Variants in EYS observed in about 807,000 individuals in gnomAD.
EYS encodes protein eyes shut homolog.
EYS carries 250 observed loss-of-function variants against 282.1 expected under a neutral mutation model. That is an observed-to-expected ratio of 0.89 (90% CI 0.80 to 0.98). EYS has a LOEUF of 0.98. Among genes scored for constraint, EYS ranks in the 50% least tolerant of loss-of-function variants. The pLI, the probability that EYS is intolerant of heterozygous loss-of-function variation, is 0.00. For synonymous variants in EYS, 1,355 were observed against 1,282.9 expected (o/e 1.06, Z -1.20); for missense variants, 4,016 against 3,709.0 (o/e 1.08, Z -2.15).
chr6:65,205,137 C>T (rs981615201), intron 12 of EYS, among the ~76,000 whole-genome samples: 7 of 147,860 alleles, frequency 4.7e-5, no homozygotes, highest in African/African-American at 9.9e-5. Context: ...CTCCAACTGT[C>T]GGCTGCCTAT....
chr6:64,626,312 T>C, intron 22 of EYS, 67 bp from the exon 23 acceptor site: 1 of 1,476,628 alleles, frequency 6.8e-7, no homozygotes. Flanking sequence ...CTTTTCATCT[T>C]GGGATTCCAT....
intron 15 of EYS, among the ~76,000 whole-genome samples, chr6:64,920,873 T>C (rs1768323832): frequency 6.6e-6 from 1 of 152,130 alleles, no homozygotes; most frequent in African/African-American, 2.4e-5. Flanking sequence ...AACAAATTTA[T>C]AAACATTTTA....
intron 12 of EYS, among the ~76,000 whole-genome samples, chr6:65,229,234 T>C (rs935336981): frequency 6.6e-6 from 1 of 151,752 alleles, no homozygotes; most frequent in Non-Finnish European, 1.5e-5. Context: ...TAGCAAGATA[T>C]GGACCATTTG....
chr6:65,162,959 A>G (rs1764887224), intron 12 of EYS, among the ~76,000 whole-genome samples: 2 of 144,834 alleles, frequency 1.4e-5, no homozygotes, highest in Non-Finnish European at 3.2e-5. Context: ...AACCAAACAC[A>G]TATTTTTCAT....
intron 12 of EYS, among the ~76,000 whole-genome samples, chr6:65,115,676 T>C (rs1775348588): frequency 6.6e-6 from 1 of 152,128 alleles, no homozygotes; most frequent in Non-Finnish European, 1.5e-5. Flanking sequence ...ATGTTCAGGA[T>C]TTTATAGGTA....
chr6:65,449,574 G>C (rs979542511), intron 5 of EYS, among the ~76,000 whole-genome samples: 1 of 152,012 alleles, frequency 6.6e-6, no homozygotes, highest in African/African-American at 2.4e-5. Flanking sequence ...ACTAGTAGCT[G>C]AATGGAATTT....
chr6:65,495,328 A>C lies in EYS; in HGVS notation c.83T>G (p.Leu28Trp). The C allele has an allele frequency of 6.2e-7, 1 of 1,614,012 alleles. No homozygotes were observed. The highest frequency in any genetic ancestry group is 8.5e-7 in the Non-Finnish European group (1 of 1,180,008). Residue 28 changes from leucine (L) to tryptophan (W), a missense_variant, in exon 4 of 43, where the codon TTG (leucine) becomes TGG (tryptophan). Transcript: ENST00000503581. Reference sequence around the variant, plus strand: ...GGGTTGTGGATGCCATTCTTCCACCAATTGCCGTCTACATGTTTTTCCATT... The same window carrying C: ...GGGTTGTGGATGCCATTCTTCCACCCATTGCCGTCTACATGTTTTTCCATT... Reference protein sequence around the residue: ...FINGKTCRRQLVEEWHPQPSS... With the variant: ...FINGKTCRRQWVEEWHPQPSS...
chr6:64,696,216 A>G (rs1770573705), intron 22 of EYS, among the ~76,000 whole-genome samples: 1 of 152,208 alleles, frequency 6.6e-6, no homozygotes, highest in South Asian at 2.1e-4. Context: ...AAAGAATTAC[A>G]AAATACATTT....
chr6:64,547,844 G>A (rs1457746111), intron 26 of EYS, among the ~76,000 whole-genome samples: 1 of 152,206 alleles, frequency 6.6e-6, no homozygotes, highest in Non-Finnish European at 1.5e-5. Context: ...GGCATGGCGG[G>A]CTACAGGTCC....
intron 13 of EYS, among the ~76,000 whole-genome samples, chr6:65,054,822 T>C (rs1047931531): frequency 6.6e-6 from 1 of 152,102 alleles, no homozygotes. Flanking sequence ...AGAATCCTTT[T>C]CACTATAATT....
chr6:64,439,980 T>C (rs1774882746), intron 26 of EYS, among the ~76,000 whole-genome samples: 1 of 146,924 alleles, frequency 6.8e-6, no homozygotes, highest in Non-Finnish European at 1.5e-5. Flanking sequence ...CTACTTTATA[T>C]TATTATTAAA....
At chr6:64,212,329 C>T (rs973204127) in intron 31 of EYS, among the ~76,000 whole-genome samples, 35 of 151,694 alleles carry the variant, frequency 2.3e-4, no homozygotes, top group Non-Finnish European at 4.9e-4. Flanking sequence ...ATATAATTAA[C>T]ATAAATACAA....
chr6:64,711,610 T>C (rs1771215826), intron 22 of EYS, among the ~76,000 whole-genome samples: 1 of 152,210 alleles, frequency 6.6e-6, no homozygotes. Flanking sequence ...TCTTACTCTG[T>C]CCAGTTTAAT....
chr6:65,341,906 C>A (rs1023342534), intron 10 of EYS, among the ~76,000 whole-genome samples: 3 of 151,050 alleles, frequency 2.0e-5, no homozygotes, highest in African/African-American at 7.3e-5. Flanking sequence ...TATTGCCATT[C>A]TAGGATGATT....
rs115074738 is a variant in EYS, at chr6:64,446,308, G to A, written c.5645-6956C>T. On this transcript the variant is annotated intron_variant, in intron 26 of 42. Coordinates refer to ENST00000503581, the MANE Select transcript of EYS (RefSeq NM_001142800.2). ...TGTAAGAGAAAAATCAGGAATCAATGAACCTTCCCTCTCTACTGCAACAGA... is the reference window on the plus strand; with the variant it reads ...TGTAAGAGAAAAATCAGGAATCAATAAACCTTCCCTCTCTACTGCAACAGA... Among the ~76,000 whole-genome samples the A allele has an allele frequency of 6.6e-3, 1,002 of 152,146 alleles. 8 individuals are homozygous for A. Among genetic ancestry groups the A allele is most frequent in the Non-Finnish European group, 0.012 (802 of 67,984 alleles).
chr6:64,902,686 T>C (rs1223136263), intron 16 of EYS, among the ~76,000 whole-genome samples, 186 bp from the exon 17 acceptor site: 1 of 152,142 alleles, frequency 6.6e-6, no homozygotes, highest in Admixed American at 6.5e-5. Context: ...TGCCAGTTTC[T>C]AGATTAATGA....
rs536018712 is a variant in EYS at position 65,005,311 on chromosome 6, C to T, written c.2138-7608G>A. Among the ~76,000 whole-genome samples, 103 of 148,010 alleles carry T rather than the reference C, an allele frequency of 7.0e-4. 11 individuals are homozygous for T. The highest frequency in any genetic ancestry group is 3.3e-3 in the South Asian group (15 of 4,580). ...GCTGAACGCTAGTCACTGGGTTCCACGGTTCTCTTCCATGACCCACGGCTT... is the reference window on the plus strand; with the variant it reads ...GCTGAACGCTAGTCACTGGGTTCCATGGTTCTCTTCCATGACCCACGGCTT... On this transcript the variant is annotated intron_variant, in intron 13 of 42. Transcript: ENST00000503581.
intron 22 of EYS, among the ~76,000 whole-genome samples, chr6:64,768,158 T>C (rs530933916): frequency 1.3e-5 from 2 of 152,214 alleles, no homozygotes; most frequent in Admixed American, 6.5e-5. Flanking sequence ...TATTAAACTA[T>C]TCTGTTTGAT....
At chr6:64,380,836 C>T (rs571712706) in intron 29 of EYS, among the ~76,000 whole-genome samples, 82 of 151,898 alleles carry the variant, frequency 5.4e-4, no homozygotes, top group Admixed American at 1.5e-3. Flanking sequence ...GCAAATATGG[C>T]GAAACCCGTC....
Sources: allele counts gnomAD v4.1 joint callset (sites outside exome capture counted in the v4.1 genomes callset), GRCh38; gene constraint gnomAD v4.1.1; transcripts MANE v1.5; gene names NCBI Gene and HGNC (gene_info 2026-07-23, HGNC 2026-07-21).